Variants in PHRF1 observed in about 807,000 individuals in gnomAD.
PHRF1 encodes PHD and ring finger domains 1.
PHRF1 carries 53 observed loss-of-function variants against 128.9 expected under a neutral mutation model. That is an observed-to-expected ratio of 0.41 (90% CI 0.33 to 0.52). The LOEUF (loss-of-function observed/expected upper bound fraction) is 0.52, where lower values mean the gene tolerates loss of function less well. PHRF1 is among the 20% of genes least tolerant of loss of function. PHRF1 has a pLI of 0.21. For missense variants in PHRF1, 2,503 were observed against 2,284.5 expected (o/e 1.10, Z -1.95); for synonymous variants, 1,178 against 980.6 (o/e 1.20, Z -3.76).
chr11:594,698 T>A (rs112855672), intron 6 of PHRF1, among the ~76,000 whole-genome samples: 1 of 152,132 alleles, frequency 6.6e-6, no homozygotes, highest in Non-Finnish European at 1.5e-5. Context: ...CTGGGCTCAA[T>A]TGATCCGCCC....
At chr11:587,176 G>A (rs1854615397) in intron 3 of PHRF1, 83 bp from the exon 4 acceptor site, 15 of 1,376,030 alleles carry the variant, frequency 1.1e-5, no homozygotes, top group Non-Finnish European at 1.4e-5. Context: ...GGTGTCCTGA[G>A]CGCAGCCTGG....
chr11:592,804 A>T, intron 6 of PHRF1, 130 bp downstream of exon 6: 1 of 983,202 alleles, frequency 1.0e-6, no homozygotes, highest in South Asian at 1.4e-5. Context: ...CACCACCCTC[A>T]GCAGCGCGGT....
intron 3 of PHRF1, among the ~76,000 whole-genome samples, chr11:586,233 C>A (rs921045871): frequency 6.6e-6 from 1 of 151,920 alleles, no homozygotes; most frequent in African/African-American, 2.4e-5. Context: ...ACCTCGTGAT[C>A]TGCCCACCTC....
chr11:587,213 C>T, intron 3 of PHRF1, 46 bp from the exon 4 acceptor site: 2 of 1,589,328 alleles, frequency 1.3e-6, no homozygotes, highest in Admixed American at 3.5e-5. Flanking sequence ...TGCCGCGGTT[C>T]ACGCTGCCCA....
At chr11:580,837 C>T (rs185645961) in intron 1 of PHRF1, among the ~76,000 whole-genome samples, 4 of 151,824 alleles carry the variant, frequency 2.6e-5, no homozygotes, top group Admixed American at 6.6e-5. Flanking sequence ...TACAGGCGCC[C>T]GCCACCACGC....
chr11:603,284 G>A (rs1032655927), intron 10 of PHRF1, among the ~76,000 whole-genome samples: 3 of 152,082 alleles, frequency 2.0e-5, no homozygotes, highest in East Asian at 1.9e-4. Flanking sequence ...TTAGACTCCC[G>A]GGCTTAAGCA....
intron 14 of PHRF1, 141 bp downstream of exon 14, chr11:609,861 C>T (rs756044782): frequency 4.4e-5 from 27 of 615,054 alleles, no homozygotes; most frequent in South Asian, 1.9e-4. Context: ...CCCTGGCCTC[C>T]GCTGAGAACA....
In PHRF1 at chr11:591,380, A is replaced by G; in HGVS notation, c.421-4A>G. 2 of 1,603,766 alleles carry G rather than the reference A, an allele frequency of 1.2e-6. No homozygotes were observed. The highest frequency in any genetic ancestry group is 1.7e-6 in the Non-Finnish European group (2 of 1,175,030). ...GATTCTGATCCTGTTTTTATTTCTC[A>G]CAGAATGCCAATTCCTGTCCAGTTG... is the stretch of plus-strand genomic sequence containing the variant. On this transcript the variant is annotated splice_region_variant and splice_polypyrimidine_tract_variant and intron_variant, in intron 4 of 17. Transcript: ENST00000264555.
Position 597,666 on chromosome 11 carries a change from G to A in PHRF1, c.894+96G>A, listed in dbSNP as rs972667443. ...GTGGGAGGGGCGTCGTCGGCACTGT[G>A]GGGTCCGCCCGGCCCCGGTGGCTCA... On this transcript the variant is annotated intron_variant, in intron 8 of 17. Coordinates refer to ENST00000264555, the MANE Select transcript of PHRF1 (RefSeq NM_001286581.2). The surrounding 1 kb of genome is among the most constrained non-coding windows in gnomAD (Gnocchi z 6.5). 6.9e-7 allele frequency: 1 copy of A among 1,442,538 alleles called. No individual in the cohort carries two copies. Among genetic ancestry groups the A allele is most frequent in the African/African-American group, 1.4e-5 (1 of 71,150 alleles). 89.4% of individuals were successfully genotyped at this position (1,442,538 alleles called of 1,614,324 possible). A position where few individuals can be genotyped will look rare whatever the true frequency, so the allele number is the denominator to read the frequency against.
At chr11:578,520 C>T (rs984242535) in intron 1 of PHRF1, among the ~76,000 whole-genome samples, 2 of 152,232 alleles carry the variant, frequency 1.3e-5, no homozygotes, top group South Asian at 2.1e-4. Context: ...CTGATCTCTT[C>T]TGGCAGCCCT....
At chr11:588,054 C>T (rs538539520) in intron 4 of PHRF1, among the ~76,000 whole-genome samples, 5 of 152,274 alleles carry the variant, frequency 3.3e-5, no homozygotes, top group Admixed American at 3.3e-4. Flanking sequence ...GAGTCCCCGA[C>T]CTCTGTACTC....
chr11:576,976 C>T (rs1853891872), intron 1 of PHRF1, among the ~76,000 whole-genome samples: 4 of 152,192 alleles, frequency 2.6e-5, no homozygotes, highest in Admixed American at 6.5e-5. Flanking sequence ...GGCGAGAGCC[C>T]ACTCGCCTCG....
At chr11:587,218 T>G in intron 3 of PHRF1, 41 bp from the exon 4 acceptor site, 1 of 1,598,176 alleles carries the variant, frequency 6.3e-7, no homozygotes, top group African/African-American at 1.3e-5. Context: ...CGGTTCACGC[T>G]GCCCATCCTG....
In PHRF1 at chr11:597,421, G is replaced by T. The variant is rs765534515; in HGVS notation, c.745G>T (p.Val249Phe). The change falls in exon 8 of 18, where the codon GTC (valine) becomes TTC (phenylalanine). Residue 249 changes from valine to phenylalanine, a missense_variant. Physicochemically the swap from Val to Phe is conservative, Grantham distance 50. Transcript: ENST00000264555. This position sits in a 1 kb window ranked among gnomAD's most constrained non-coding sequence, Gnocchi z 6.5. ...ADAGPVSEEE[V>F]SLLLADVVPT... Reference sequence around the variant, plus strand: ...TGCGGGTCCCGTGAGTGAGGAGGAGGTCTCCCTGCTCTTGGCTGATGTGGT... The same window carrying T: ...TGCGGGTCCCGTGAGTGAGGAGGAGTTCTCCCTGCTCTTGGCTGATGTGGT... 82 of 1,612,946 alleles carry T rather than the reference G, an allele frequency of 5.1e-5. No homozygotes were observed. Among genetic ancestry groups the T allele is most frequent in the Non-Finnish European group, 6.4e-5 (75 of 1,179,612 alleles).
At position 592,585 on chromosome 11, in the gene PHRF1, C is replaced by CGAGGAG. The variant is rs753201346; in HGVS notation, c.540_545dup (p.Glu180_Glu181dup). ...TCCCAGTGGAGAACACCAAAGCGAG[C>CGAGGAG]GAGGAGGAGGAGGACCCGACCTTCT... On this transcript the variant is annotated inframe_insertion, in exon 6 of 18. Coordinates refer to ENST00000264555, the MANE Select transcript of PHRF1 (RefSeq NM_001286581.2). The CGAGGAG allele has an allele frequency of 6.2e-7, 1 of 1,613,984 alleles. No individual in the cohort carries two copies. Among genetic ancestry groups the CGAGGAG allele is most frequent in the South Asian group, 1.1e-5 (1 of 91,084 alleles).
In PHRF1 at chr11:611,040, C is replaced by T; in HGVS notation, c.4764C>T (p.Thr1588=). ...IKPFYQKREV[T]KEEYKDILRK... is the part of the protein sequence containing the mutation. ...CCTTCTACCAGAAGAGGGAGGTGAC[C>T]AAGGAGGAGTACAAGGACATCCTGC... The change falls in exon 17 of 18, where the codon ACC becomes ACT. Residue 1588 remains threonine (T), a synonymous_variant. Transcript: ENST00000264555. The T allele has an allele frequency of 6.2e-7, 1 of 1,613,314 alleles. No homozygotes were observed.
rs749800847 is a variant in PHRF1, at chr11:607,820, C to T, written c.2364C>T (p.Ser788=). 5.6e-6 allele frequency: 9 copies of T among 1,612,684 alleles called. No individual in the cohort carries two copies. Among genetic ancestry groups the T allele is most frequent in the South Asian group, 3.3e-5 (3 of 91,090 alleles). Residue 788 remains serine (S), a synonymous_variant, in exon 14 of 18, where the codon TCC becomes TCT. Coordinates refer to ENST00000264555, the MANE Select transcript of PHRF1 (RefSeq NM_001286581.2). ...ATATTCCTGGAAACATGGCACATTC[C>T]AGCCAGCTCTCCAGCCCTGGCTTCT... ...RINIPGNMAH[S]SQLSSPGFCN...
chr11:603,820 G>C (rs886642506), intron 10 of PHRF1, among the ~76,000 whole-genome samples: 1 of 139,850 alleles, frequency 7.2e-6, no homozygotes. Context: ...CTGCAACCTC[G>C]GCCTCCCAAA....
chr11:606,359 C>G, intron 12 of PHRF1, 83 bp from the exon 13 acceptor site: 1 of 1,446,318 alleles, frequency 6.9e-7, no homozygotes, highest in Non-Finnish European at 9.1e-7. Flanking sequence ...CCCTGGCTCC[C>G]GCCTGCTGCG....
Sources: allele counts gnomAD v4.1 joint callset (sites outside exome capture counted in the v4.1 genomes callset), GRCh38; gene constraint gnomAD v4.1.1; non-coding constraint Gnocchi (gnomAD v3.1); transcripts MANE v1.5; gene names NCBI Gene and HGNC (gene_info 2026-07-23, HGNC 2026-07-21).